The following GLIS3 variants were observed in gnomAD, a reference collection of about 807,000 sequenced individuals.
GLIS3 encodes GLIS family zinc finger 3.
Under a neutral mutation model 78.6 loss-of-function variants are expected in GLIS3, and 53 were observed. The observed-to-expected ratio is 0.67, with a 90% CI of 0.54 to 0.85. The LOEUF (loss-of-function observed/expected upper bound fraction) is 0.85, where lower values mean the gene tolerates loss of function less well. Among genes scored for constraint, GLIS3 ranks in the 40% least tolerant of loss-of-function variants. The pLI, the probability that GLIS3 is intolerant of heterozygous loss-of-function variation, is 0.00. For synonymous variants in GLIS3, 684 were observed against 509.9 expected (o/e 1.34, Z -4.60); for missense variants, 1,703 against 1,231.1 (o/e 1.38, Z -5.74).
Position 4,125,809 on chromosome 9 carries a change from G to A in GLIS3, c.521C>T (p.Ala174Val), listed in dbSNP as rs780985373. The change falls in exon 3 of 11, where the codon GCA becomes GTA. Residue 174 changes from alanine (A) to valine (V), a missense_variant. Physicochemically the swap from Ala to Val is moderately conservative, Grantham distance 64 (BLOSUM62 0). Transcript: ENST00000381971. ...ISPPASQVST[A>V]CNQISPSLQR... ...TAAGCTAGGACTGATCTGGTTGCAT[G>A]CTGTAGAGACCTGGCTTGCTGGAGG... 1 of 1,614,134 alleles carries A rather than the reference G, an allele frequency of 6.2e-7. No individual in the cohort carries two copies.
At chr9:4,444,765 C>A in the GLIS3 span, among the ~76,000 whole-genome samples, 1 of 152,224 alleles carries the variant, frequency 6.6e-6, no homozygotes, top group Non-Finnish European at 1.5e-5. Flanking sequence ...CTAACTACCA[C>A]AGGCTTTGCT....
the GLIS3 span, among the ~76,000 whole-genome samples, chr9:4,466,306 T>C: frequency 6.6e-6 from 1 of 152,186 alleles, no homozygotes; most frequent in Non-Finnish European, 1.5e-5. Context: ...ATTAAATTCA[T>C]AGTTGACAGC....
In GLIS3 at chr9:3,991,080, C is replaced by A. The variant is rs559770512; in HGVS notation, c.1711-53891G>T. ...CAACTAATTCTCAAGCAAAAGGTTT[C>A]TCTGAGAATAGCAGCAGAAACACCC... On this transcript the variant is annotated intron_variant, in intron 4 of 10. Transcript: ENST00000381971. Among the ~76,000 whole-genome samples, 32 of 152,272 alleles carry A rather than the reference C, an allele frequency of 2.1e-4. No individual in the cohort carries two copies. The South Asian group carries it at 6.4e-3, about 31-fold the overall frequency.
intron 4 of GLIS3, among the ~76,000 whole-genome samples, chr9:3,970,297 G>A (rs77641040): frequency 0.013 from 2,054 of 152,214 alleles, 49 homozygotes; most frequent in African/African-American, 0.047. Context: ...ATTTTTTAAT[G>A]GTGGAAAAAC....
the GLIS3 span, among the ~76,000 whole-genome samples, chr9:4,394,223 T>C: frequency 6.6e-6 from 1 of 152,024 alleles, no homozygotes; most frequent in Non-Finnish European, 1.5e-5. Flanking sequence ...TTTTAGATTT[T>C]CTTTTAGGAG....
At chr9:4,216,329 C>T (rs570929246) in intron 2 of GLIS3, among the ~76,000 whole-genome samples, 101 of 151,876 alleles carry the variant, frequency 6.7e-4, no homozygotes, top group Admixed American at 2.0e-3. Flanking sequence ...AAAAATTAGC[C>T]GGGCGTGGTG....
At chr9:3,914,148 CTT>C (rs869201234) in intron 6 of GLIS3, among the ~76,000 whole-genome samples, 1 of 147,796 alleles carries the variant, frequency 6.8e-6, no homozygotes, top group Non-Finnish European at 1.5e-5. Context: ...TTCTTTCTTT[CTT>C]TCTCTTTTTT....
At chr9:4,263,141 C>G (rs1486837482) in intron 2 of GLIS3, among the ~76,000 whole-genome samples, 1 of 152,120 alleles carries the variant, frequency 6.6e-6, no homozygotes, top group Non-Finnish European at 1.5e-5. Context: ...CTGAAGTAAC[C>G]TCTGCCCTGC....
At chr9:4,385,192 G>T in the GLIS3 span, among the ~76,000 whole-genome samples, 1 of 152,182 alleles carries the variant, frequency 6.6e-6, no homozygotes, top group African/African-American at 2.4e-5. Context: ...GACTGTTTCT[G>T]CATTCCCTTC....
the GLIS3 span, among the ~76,000 whole-genome samples, chr9:4,459,358 C>CA: frequency 2.0e-5 from 3 of 152,142 alleles, no homozygotes; most frequent in Non-Finnish European, 2.9e-5. Context: ...TGGGGCTATC[C>CA]AATCTTTAGG....
chr9:4,180,752 G>C (rs1472755261), intron 2 of GLIS3, among the ~76,000 whole-genome samples: 1 of 152,170 alleles, frequency 6.6e-6, no homozygotes, highest in Non-Finnish European at 1.5e-5. Context: ...AAATTGGACA[G>C]TCACAAACTA....
intron 4 of GLIS3, among the ~76,000 whole-genome samples, chr9:4,055,106 C>A (rs575114294): frequency 3.3e-4 from 50 of 152,306 alleles, no homozygotes; most frequent in African/African-American, 1.2e-3. Flanking sequence ...ATGCCTTTTT[C>A]ATCTTTCTCC....
the GLIS3 span, among the ~76,000 whole-genome samples, chr9:4,391,992 A>G: frequency 6.6e-6 from 1 of 152,216 alleles, no homozygotes; most frequent in Admixed American, 6.5e-5. Flanking sequence ...AAAGACATGG[A>G]ATCAATGCAA....
At chr9:4,482,640 A>T in the GLIS3 span, among the ~76,000 whole-genome samples, 1 of 152,230 alleles carries the variant, frequency 6.6e-6, no homozygotes, top group Non-Finnish European at 1.5e-5. Flanking sequence ...GATACTCAGA[A>T]GCTGATGTCT....
At chr9:4,231,511 G>C (rs187071464) in intron 2 of GLIS3, among the ~76,000 whole-genome samples, 94 of 152,222 alleles carry the variant, frequency 6.2e-4, no homozygotes, top group Non-Finnish European at 9.9e-4. Context: ...TAGAGAAAAA[G>C]TCCTTAGATA....
chr9:4,324,206 C>T (rs541304052), intron 2 of GLIS3, among the ~76,000 whole-genome samples: 18 of 152,242 alleles, frequency 1.2e-4, no homozygotes, highest in African/African-American at 3.9e-4. Context: ...TTATGCTGTG[C>T]CCTCTTCTGA....
At chr9:4,407,410 C>A in the GLIS3 span, among the ~76,000 whole-genome samples, 1 of 152,242 alleles carries the variant, frequency 6.6e-6, no homozygotes, top group Non-Finnish European at 1.5e-5. Context: ...CTTCGGGAGG[C>A]CGAGGCAGGT....
the GLIS3 span, among the ~76,000 whole-genome samples, chr9:4,381,570 C>T: frequency 3.9e-5 from 6 of 152,288 alleles, no homozygotes; most frequent in African/African-American, 9.6e-5. Context: ...ACAGCACTCA[C>T]GCACATTTTG....
rs541825628 is a variant in GLIS3, at chr9:4,134,983, C to T, written c.389-9042G>A. On this transcript the variant is annotated intron_variant, in intron 2 of 10. Transcript: ENST00000381971. ...CAGTGCAGTCAGCAGGTCCACTGGA[C>T]TCTCACACAAAGTTATGCCTTCCAA... 2.0e-5 allele frequency among the ~76,000 whole-genome samples: 3 copies of T among 152,220 alleles called. No individual in the cohort carries two copies. The South Asian group carries it at 6.2e-4, about 32-fold the overall frequency.
Sources: allele counts gnomAD v4.1 joint callset (sites outside exome capture counted in the v4.1 genomes callset), GRCh38; gene constraint gnomAD v4.1.1; transcripts MANE v1.5; gene names NCBI Gene and HGNC (gene_info 2026-07-23, HGNC 2026-07-21).